The following C13orf42 variants were observed in gnomAD, a reference collection of about 807,000 sequenced individuals.
C13orf42 encodes uncharacterized protein C13orf42.
chr13:51,092,500 T>C (rs1432051933), intron 1 of C13orf42, among the ~76,000 whole-genome samples: 14 of 152,172 alleles, frequency 9.2e-5, no homozygotes, highest in Admixed American at 9.2e-4. Flanking sequence ...CTTCTAGTTC[T>C]TTATAATTTA....
At chr13:51,161,806 G>A (rs1953866682) in intron 1 of C13orf42, 6 of 348,156 alleles carry the variant, frequency 1.7e-5, no homozygotes, top group South Asian at 1.1e-4. Flanking sequence ...CCAGGGAATC[G>A]TTAGGCACTG....
intron 1 of C13orf42, among the ~76,000 whole-genome samples, chr13:51,156,083 A>G (rs1458260219): frequency 1.3e-5 from 2 of 152,176 alleles, no homozygotes; most frequent in Non-Finnish European, 2.9e-5. Flanking sequence ...CTGGAGTGAC[A>G]GGGGACCTTG....
chr13:51,156,179 G>C (rs898702168), intron 1 of C13orf42, among the ~76,000 whole-genome samples: 5 of 152,120 alleles, frequency 3.3e-5, no homozygotes, highest in Admixed American at 2.6e-4. Context: ...TAGGATTCGG[G>C]GCTATGTTAA....
At chr13:51,091,617 TA>T in intron 1 of C13orf42, among the ~76,000 whole-genome samples, 1 of 152,244 alleles carries the variant, frequency 6.6e-6, no homozygotes, top group South Asian at 2.1e-4. Flanking sequence ...GGGGTGCTTT[TA>T]AAGAATATCT....
intron 1 of C13orf42, among the ~76,000 whole-genome samples, chr13:51,170,363 C>A (rs934608352): frequency 1.3e-5 from 2 of 152,158 alleles, no homozygotes; most frequent in African/African-American, 4.8e-5. Context: ...GGAGATCAAT[C>A]CCCTGTCCTC....
chr13:51,099,700 C>T (rs1953267207), intron 1 of C13orf42, among the ~76,000 whole-genome samples: 1 of 152,070 alleles, frequency 6.6e-6, no homozygotes. Context: ...AGTGCCGTGA[C>T]CATCGTTCAC....
intron 1 of C13orf42, among the ~76,000 whole-genome samples, chr13:51,134,279 A>G (rs968004453): frequency 6.6e-6 from 1 of 152,134 alleles, no homozygotes; most frequent in Non-Finnish European, 1.5e-5. Flanking sequence ...ATATTCAATG[A>G]CCACCACATT....
At chr13:51,170,426 G>C (rs55706293) in intron 1 of C13orf42, among the ~76,000 whole-genome samples, 43 of 152,230 alleles carry the variant, frequency 2.8e-4, no homozygotes, top group Admixed American at 2.0e-3. Flanking sequence ...TCCTCAGACC[G>C]ACCGGCCCAA....
intron 1 of C13orf42, among the ~76,000 whole-genome samples, chr13:51,136,398 T>C (rs1244469344): frequency 1.3e-5 from 2 of 152,188 alleles, no homozygotes; most frequent in Admixed American, 6.5e-5. Flanking sequence ...CTCGTCTTTG[T>C]CAAGACAGAA....
chr13:51,147,243 T>C (rs188999517), intron 1 of C13orf42, among the ~76,000 whole-genome samples: 23 of 152,042 alleles, frequency 1.5e-4, no homozygotes, highest in Admixed American at 1.5e-3. Context: ...CCCCCTTTCT[T>C]ATCTCCTACA....
At chr13:51,099,368 T>C (rs1042066054) in intron 1 of C13orf42, among the ~76,000 whole-genome samples, 11 of 152,272 alleles carry the variant, frequency 7.2e-5, no homozygotes, top group African/African-American at 2.6e-4. Context: ...AAATTTTCAA[T>C]AGATGAGCTA....
chr13:51,148,819 C>T (rs1361865406), intron 1 of C13orf42, among the ~76,000 whole-genome samples: 1 of 152,196 alleles, frequency 6.6e-6, no homozygotes, highest in African/African-American at 2.4e-5. Context: ...CAGCTGGGCC[C>T]GTATTGACCG....
intron 1 of C13orf42, among the ~76,000 whole-genome samples, chr13:51,168,875 TTCC>T (rs3043884): frequency 0.2 from 31,152 of 152,002 alleles, 3,370 homozygotes; most frequent in East Asian, 0.26. Context: ...TCTCTCTCTC[TTCC>T]TCCTTCTCTC....
intron 1 of C13orf42, among the ~76,000 whole-genome samples, chr13:51,124,053 A>G (rs1430742895): frequency 6.6e-6 from 1 of 152,212 alleles, no homozygotes; most frequent in Non-Finnish European, 1.5e-5. Flanking sequence ...TAACATCACT[A>G]TTGTGAACCT....
upstream of C13orf42, among the ~76,000 whole-genome samples, chr13:51,113,749 A>C (rs548263724): frequency 6.6e-6 from 1 of 152,294 alleles, no homozygotes; most frequent in East Asian, 1.9e-4. Flanking sequence ...TATCACAAAG[A>C]AACTACAAGT....
chr13:51,091,384 C>T (rs1291308466), intron 1 of C13orf42, among the ~76,000 whole-genome samples: 1 of 152,162 alleles, frequency 6.6e-6, no homozygotes, highest in Non-Finnish European at 1.5e-5. Flanking sequence ...TCATTAGTCC[C>T]CCCACTGCCT....
Position 51,087,929 on chromosome 13 carries a change from G to A in C13orf42, c.561C>T (p.Asp187=), listed in dbSNP as rs1286064967. The A allele has an allele frequency of 1.3e-5, 5 of 399,022 alleles. No individual in the cohort carries two copies. The highest frequency in any genetic ancestry group is 2.1e-5 in the African/African-American group (1 of 48,630). The allele number at this position is 399,022 out of a possible 1,614,324, so 24.7% of individuals were successfully genotyped here. A position where few individuals can be genotyped will look rare whatever the true frequency, so the allele number is the denominator to read the frequency against. Residue 187 remains aspartate (D), a splice_region_variant and synonymous_variant, in exon 2 of 4, where the codon GAC becomes GAT. Coordinates refer to ENST00000563710, the MANE Select transcript of C13orf42 (RefSeq NM_001351589.3). ...ASLPNEDVDF[D]VATSSREHSL... Reference sequence around the variant, plus strand: ...TCCCACTGCCTTCCTGGCACTCACCGTCAAAGTCCACATCTTCATTTGGCA... The same window carrying A: ...TCCCACTGCCTTCCTGGCACTCACCATCAAAGTCCACATCTTCATTTGGCA...
At chr13:51,118,883 T>A (rs1213136654) in intron 1 of C13orf42, among the ~76,000 whole-genome samples, 1 of 152,094 alleles carries the variant, frequency 6.6e-6, no homozygotes, top group Non-Finnish European at 1.5e-5. Context: ...TGCCTAGGTG[T>A]GTGGCATGCC....
intron 1 of C13orf42, among the ~76,000 whole-genome samples, chr13:51,126,829 A>G (rs1953581468): frequency 6.6e-6 from 1 of 152,214 alleles, no homozygotes; most frequent in Non-Finnish European, 1.5e-5. Context: ...CAAATGAAGA[A>G]TTCAATAGTG....
Sources: allele counts gnomAD v4.1 joint callset (sites outside exome capture counted in the v4.1 genomes callset), GRCh38; gene constraint gnomAD v4.1.1; transcripts MANE v1.5; gene names NCBI Gene and HGNC (gene_info 2026-07-23, HGNC 2026-07-21).